Variants in DCK observed in about 807,000 individuals in gnomAD.
The protein encoded by DCK is deoxycytidine kinase, also known as deoxyadenosine kinase.
A neutral mutation model predicts 38.3 loss-of-function variants in DCK; 23 were observed. That is an observed-to-expected ratio of 0.60 (90% CI 0.43 to 0.85). The LOEUF (loss-of-function observed/expected upper bound fraction) is 0.85, where lower values mean the gene tolerates loss of function less well. Among genes scored for constraint, DCK ranks in the 40% least tolerant of loss-of-function variants. The pLI is 0.00. For missense variants in DCK, 259 were observed against 304.4 expected, an observed-to-expected ratio of 0.85 and a Z score of 1.11; for synonymous variants, 108 against 100.6, an observed-to-expected ratio of 1.07 and a Z score of -0.44.
intron 2 of DCK, among the ~76,000 whole-genome samples, chr4:70,998,662 G>A (rs910708979): frequency 1.3e-5 from 2 of 152,088 alleles, no homozygotes; most frequent in African/African-American, 2.4e-5. Flanking sequence ...GGTGGCTCAC[G>A]CTTGTAATCC....
In DCK at chr4:71,029,618, G is replaced by A. The variant is rs532969802; in HGVS notation, c.*240G>A. The A allele has an allele frequency of 4.5e-6, 2 of 446,630 alleles. No homozygotes were observed. Among genetic ancestry groups the A allele is most frequent in the East Asian group, 4.1e-5 (1 of 24,190 alleles). 27.7% of individuals were successfully genotyped at this position (446,630 alleles called of 1,614,324 possible). ...GACATTATTTCTCATAGCAGGAAAT[G>A]TAGAGGTAGATGGTTCCAGTATCAG... On this transcript the variant is annotated 3_prime_UTR_variant, in exon 7 of 7. Coordinates refer to ENST00000286648, the MANE Select transcript of DCK (RefSeq NM_000788.3).
chr4:71,022,241 T>G (rs759376380), intron 2 of DCK, 126 bp from the exon 3 acceptor site: 24 of 520,890 alleles, frequency 4.6e-5, no homozygotes, highest in African/African-American at 7.9e-5. Context: ...GGGAACTTAA[T>G]CATCTTGGTT....
chr4:71,026,354 A>G lies in DCK; in HGVS notation c.666-311A>G, dbSNP rs139775063. The stretch of plus-strand genomic sequence containing the variant: ...TGGATAGCCTCTGAGCTTCAGAATG[A>G]CAATTCTGAGCTTTAGTTTTCTCAT... On this transcript the variant is annotated intron_variant, in intron 5 of 6. Coordinates refer to ENST00000286648, the MANE Select transcript of DCK (RefSeq NM_000788.3). 4.5e-3 allele frequency among the ~76,000 whole-genome samples: 685 copies of G among 152,194 alleles called. 3 individuals carry two copies. Among genetic ancestry groups the G allele is most frequent in the Non-Finnish European group, 7.2e-3 (491 of 67,932 alleles).
chr4:71,000,658 G>C (rs1739779956), intron 2 of DCK, among the ~76,000 whole-genome samples: 2 of 152,172 alleles, frequency 1.3e-5, no homozygotes, highest in Admixed American at 1.3e-4. Flanking sequence ...TATGAGCATG[G>C]AATGTTTTAC....
intron 2 of DCK, among the ~76,000 whole-genome samples, chr4:71,012,008 A>G (rs963948022): frequency 6.6e-6 from 1 of 152,238 alleles, no homozygotes; most frequent in Non-Finnish European, 1.5e-5. Context: ...TTATAAAGTA[A>G]TACCTGTTTA....
chr4:71,028,604 C>CTTTT (rs68174217), intron 6 of DCK: 263,342 of 385,120 alleles, frequency 0.68, 79,335 homozygotes, highest in Admixed American at 0.76. Flanking sequence ...AACAATATTT[C>CTTTT]TTTTTTTTCT....
intron 2 of DCK, among the ~76,000 whole-genome samples, chr4:71,007,573 C>A (rs1012030862): frequency 6.6e-6 from 1 of 152,144 alleles, no homozygotes; most frequent in African/African-American, 2.4e-5. Context: ...TTAGTTTTGT[C>A]TATTTTTGAA....
chr4:70,999,840 A>C (rs1432020410), intron 2 of DCK, among the ~76,000 whole-genome samples: 1 of 151,692 alleles, frequency 6.6e-6, no homozygotes, highest in East Asian at 1.9e-4. Context: ...GTCTGTTCAT[A>C]TCATTTGCCC....
intron 2 of DCK, among the ~76,000 whole-genome samples, chr4:71,011,120 T>G (rs2148915324): frequency 6.6e-6 from 1 of 152,096 alleles, no homozygotes; most frequent in Admixed American, 6.5e-5. Flanking sequence ...TTTTTGTAAT[T>G]TTAGTAGAGA....
chr4:71,022,379 T>C lies in DCK; in HGVS notation c.220T>C (p.Ser74Pro), dbSNP rs752669471. Residue 74 changes from serine (S) to proline (P), a missense_variant, in exon 3 of 7, where the codon TCT (serine) becomes CCT (proline). Transcript: ENST00000286648. ...ACATTCAAAATAGGAACTTACAATGTCTCAGAAAAATGGTGGGAATGTTCT... is the reference window on the plus strand; with the variant it reads ...ACATTCAAAATAGGAACTTACAATGCCTCAGAAAAATGGTGGGAATGTTCT... ...TQDEFEELTM[S>P]QKNGGNVLQM... 1 of 1,523,346 alleles carries C rather than the reference T, an allele frequency of 6.6e-7. No homozygotes were observed. The highest frequency in any genetic ancestry group is 1.3e-5 in the South Asian group (1 of 76,064). 94.4% of individuals were successfully genotyped at this position (1,523,346 alleles called of 1,614,324 possible).
At chr4:71,019,999 G>C (rs543504916) in intron 2 of DCK, among the ~76,000 whole-genome samples, 1 of 152,292 alleles carries the variant, frequency 6.6e-6, no homozygotes, top group Admixed American at 6.5e-5. Flanking sequence ...TGTTGGCCAA[G>C]CTGGTCTTGA....
At chr4:71,005,967 C>CA (rs1480194436) in intron 2 of DCK, among the ~76,000 whole-genome samples, 1 of 150,604 alleles carries the variant, frequency 6.6e-6, no homozygotes, top group Non-Finnish European at 1.5e-5. Context: ...CTCCACTAAA[C>CA]ATACAAAAAT....
intron 3 of DCK, 145 bp from the exon 4 acceptor site, chr4:71,023,414 A>T (rs1740475486): frequency 1.7e-6 from 1 of 582,464 alleles, no homozygotes; most frequent in Non-Finnish European, 2.9e-6. Context: ...CAAAAACATG[A>T]TGGAAAGACT....
At chr4:71,028,972 G>T (rs1161264323) in intron 6 of DCK, among the ~76,000 whole-genome samples, 3 of 152,126 alleles carry the variant, frequency 2.0e-5, no homozygotes, top group African/African-American at 7.2e-5. Flanking sequence ...GGTCAGGCAG[G>T]TCTCGAACTC....
chr4:71,003,861 G>A (rs1321377936), intron 2 of DCK, among the ~76,000 whole-genome samples: 1 of 152,020 alleles, frequency 6.6e-6, no homozygotes. Flanking sequence ...TCCTGTAACC[G>A]TTTATCAAGG....
intron 1 of DCK, among the ~76,000 whole-genome samples, chr4:70,995,738 C>T (rs2148911130): frequency 6.6e-6 from 1 of 152,290 alleles, no homozygotes; most frequent in Middle Eastern, 3.4e-3. Flanking sequence ...GAAATAATTT[C>T]CTAATATATC....
At chr4:71,009,605 A>G (rs1027673354) in intron 2 of DCK, among the ~76,000 whole-genome samples, 1 of 152,124 alleles carries the variant, frequency 6.6e-6, no homozygotes, top group Non-Finnish European at 1.5e-5. Context: ...TATTATTAAC[A>G]TATTCTTTTA....
intron 1 of DCK, among the ~76,000 whole-genome samples, chr4:70,994,429 A>T (rs1299722561): frequency 6.6e-6 from 1 of 152,228 alleles, no homozygotes; most frequent in African/African-American, 2.4e-5. Context: ...TTTGATTTCT[A>T]TCCCTGCAAG....
chr4:71,001,936 G>A (rs889924023), intron 2 of DCK, among the ~76,000 whole-genome samples: 3 of 152,116 alleles, frequency 2.0e-5, no homozygotes, highest in Admixed American at 1.3e-4. Context: ...TGGATTCATT[G>A]ATTTTTTGAA....
Sources: gnomAD v4.1 joint callset for allele counts (sites outside exome capture counted in the v4.1 genomes callset) on GRCh38, gnomAD v4.1.1 for gene constraint, MANE v1.5 for transcripts, NCBI Gene and HGNC (gene_info 2026-07-23, HGNC 2026-07-21) for gene names.